The following CPNE4 variants were observed in gnomAD, a reference collection of about 807,000 sequenced individuals.
CPNE4 encodes the protein copine-4.
In CPNE4, 25 loss-of-function variants were observed where a neutral mutation model predicts 67.9. The ratio of observed to expected loss-of-function variants is 0.37; its 90% CI spans 0.27 to 0.51. CPNE4 has a LOEUF of 0.51. Ranked by LOEUF, CPNE4 falls within the 20% of genes least tolerant of loss-of-function variation. The pLI is 0.93. For synonymous variants in CPNE4, 242 were observed against 244.9 expected (o/e 0.99, Z 0.11); for missense variants, 464 against 690.8 (o/e 0.67, Z 3.68).
At chr3:131,565,595 A>G (rs576833723) in intron 10 of CPNE4, among the ~76,000 whole-genome samples, 2 of 152,172 alleles carry the variant, frequency 1.3e-5, no homozygotes, top group East Asian at 3.9e-4. Context: ...AATCAAAGTG[A>G]CTAGGAAAGA....
intron 6 of CPNE4, among the ~76,000 whole-genome samples, chr3:131,685,180 G>GTCATCA (rs34812991): frequency 3.6e-4 from 55 of 151,320 alleles, no homozygotes; most frequent in East Asian, 7.8e-4. Context: ...TAAAATGGGG[G>GTCATCA]TCATCATCAT....
intron 2 of CPNE4, among the ~76,000 whole-genome samples, chr3:131,802,154 A>G (rs1001175104): frequency 6.6e-6 from 1 of 152,116 alleles, no homozygotes; most frequent in Non-Finnish European, 1.5e-5. Flanking sequence ...TTCCTTTCCA[A>G]CGGGCACCAG....
chr3:131,673,610 T>C (rs923871941), intron 6 of CPNE4, among the ~76,000 whole-genome samples: 17 of 152,040 alleles, frequency 1.1e-4, no homozygotes, highest in African/African-American at 3.6e-4. Context: ...TTTTCATGAT[T>C]TCTTTTTCAG....
At chr3:131,900,612 CTG>C (rs1045021070) in intron 2 of CPNE4, among the ~76,000 whole-genome samples, 7 of 152,102 alleles carry the variant, frequency 4.6e-5, no homozygotes, top group African/African-American at 1.7e-4. Flanking sequence ...TTACTGGACA[CTG>C]AGGTCTTTGA....
intron 2 of CPNE4, among the ~76,000 whole-genome samples, chr3:131,865,362 T>C (rs1369576282): frequency 6.6e-6 from 1 of 152,154 alleles, no homozygotes; most frequent in Non-Finnish European, 1.5e-5. Context: ...GGTAATAAGC[T>C]CTTATATTTG....
chr3:131,715,612 A>G (rs543243781), intron 3 of CPNE4, among the ~76,000 whole-genome samples: 1 of 152,362 alleles, frequency 6.6e-6, no homozygotes, highest in African/African-American at 2.4e-5. Context: ...TGATTAAATG[A>G]AGTGCAGTAT....
At chr3:131,983,243 T>C (rs1356320095) in intron 1 of CPNE4, among the ~76,000 whole-genome samples, 1 of 152,158 alleles carries the variant, frequency 6.6e-6, no homozygotes, top group East Asian at 1.9e-4. Context: ...GATGCAATTA[T>C]TTTTCTCTAA....
intron 1 of CPNE4, among the ~76,000 whole-genome samples, chr3:132,013,599 T>C (rs1583598300): frequency 6.6e-6 from 1 of 152,244 alleles, no homozygotes; most frequent in Admixed American, 6.5e-5. Context: ...AAAGTAAAGA[T>C]GGCATTTTAT....
At chr3:131,978,126 A>T (rs2072735060) in intron 1 of CPNE4, among the ~76,000 whole-genome samples, 1 of 81,696 alleles carries the variant, frequency 1.2e-5, no homozygotes, top group Non-Finnish European at 2.2e-5. Flanking sequence ...ATATAAATAT[A>T]TATATTTATA....
At chr3:131,803,382 G>C (rs984750387) in intron 2 of CPNE4, among the ~76,000 whole-genome samples, 1 of 152,128 alleles carries the variant, frequency 6.6e-6, no homozygotes, top group Non-Finnish European at 1.5e-5. Flanking sequence ...CATTTAGTTT[G>C]TTATCTCTTT....
chr3:131,605,369 T>G (rs527882832), intron 7 of CPNE4, among the ~76,000 whole-genome samples: 50 of 152,252 alleles, frequency 3.3e-4, no homozygotes, highest in African/African-American at 1.2e-3. Context: ...AATGAGTAGT[T>G]TTTCAGCCCT....
chr3:131,582,622 A>G (rs1157817358), intron 8 of CPNE4, among the ~76,000 whole-genome samples: 1 of 152,182 alleles, frequency 6.6e-6, no homozygotes, highest in Non-Finnish European at 1.5e-5. Flanking sequence ...CCCTCCCACA[A>G]TGATGAGGCA....
At chr3:131,722,245 G>A (rs2081905893) in intron 3 of CPNE4, among the ~76,000 whole-genome samples, 1 of 152,172 alleles carries the variant, frequency 6.6e-6, no homozygotes, top group South Asian at 2.1e-4. Context: ...CTTGACAGGA[G>A]GTGAACCCAG....
intron 6 of CPNE4, among the ~76,000 whole-genome samples, chr3:131,675,463 T>C (rs889099376): frequency 6.6e-6 from 1 of 152,164 alleles, no homozygotes; most frequent in Non-Finnish European, 1.5e-5. Context: ...TTAGCTCTAA[T>C]AATATTTTCT....
chr3:131,827,274 T>C (rs536483480), intron 2 of CPNE4, among the ~76,000 whole-genome samples: 39 of 152,190 alleles, frequency 2.6e-4, no homozygotes, highest in Non-Finnish European at 4.1e-4. Flanking sequence ...TATTCCAAAG[T>C]TTCTTTAGCC....
At chr3:131,786,053 T>C (rs2083554170) in intron 2 of CPNE4, among the ~76,000 whole-genome samples, 2 of 152,120 alleles carry the variant, frequency 1.3e-5, no homozygotes, top group Non-Finnish European at 2.9e-5. Context: ...GCCCAAAGCC[T>C]CTTCTCTTGT....
intron 2 of CPNE4, among the ~76,000 whole-genome samples, chr3:131,887,184 A>G (rs947651660): frequency 6.6e-5 from 10 of 152,168 alleles, no homozygotes; most frequent in Non-Finnish European, 5.9e-5. Context: ...TACTGTTCTC[A>G]TGGTAGTGAA....
intron 1 of CPNE4, among the ~76,000 whole-genome samples, chr3:132,017,958 ACTC>A (rs1261314516): frequency 6.6e-6 from 1 of 151,512 alleles, no homozygotes; most frequent in Admixed American, 6.6e-5. Flanking sequence ...CGCTGCTATC[ACTC>A]CTCCTCCACC....
chr3:131,576,797 C>T (rs113494471), intron 9 of CPNE4, among the ~76,000 whole-genome samples: 3,222 of 151,698 alleles, frequency 0.021, 117 homozygotes, highest in African/African-American at 0.072. Context: ...ATAGTTTGAA[C>T]GATTTCAGCA....
Sources: allele counts gnomAD v4.1 joint callset (sites outside exome capture counted in the v4.1 genomes callset), GRCh38; gene constraint gnomAD v4.1.1; transcripts MANE v1.5; gene names NCBI Gene and HGNC (gene_info 2026-07-23, HGNC 2026-07-21).